COL4A5: variants seen among roughly 807,000 people sequenced by gnomAD.
COL4A5 encodes the protein collagen type IV alpha 5 chain, also known as collagen alpha-5(IV) chain.
In COL4A5, 26 loss-of-function variants were observed where a neutral mutation model predicts 130.2. The ratio of observed to expected loss-of-function variants is 0.20; its 90% CI spans 0.15 to 0.28. The LOEUF (loss-of-function observed/expected upper bound fraction) is 0.28. Among genes scored for constraint, COL4A5 ranks in the 10% least tolerant of loss-of-function variants. The pLI is 1.00. For missense variants in COL4A5, 1,131 were observed against 1,344.3 expected, an observed-to-expected ratio of 0.84 and a Z score of 2.48; for synonymous variants, 496 against 439.6, an observed-to-expected ratio of 1.13 and a Z score of -1.60.
intron 41 of COL4A5, among the ~76,000 whole-genome samples, chrX:108,669,366 GA>G (rs1417254414): frequency 8.9e-6 from 1 of 111,981 alleles, no homozygotes; most frequent in Non-Finnish European, 1.9e-5. Context: ...ATTTCAAAAT[GA>G]AAAATGTTAT....
chrX:108,518,035 A>G (rs2147603804), intron 1 of COL4A5, among the ~76,000 whole-genome samples: 1 of 111,357 alleles, frequency 9.0e-6, no homozygotes, highest in South Asian at 3.7e-4. Flanking sequence ...AAATAAAGTT[A>G]TCAAATTTCA....
intron 37 of COL4A5, among the ~76,000 whole-genome samples, chrX:108,664,361 C>T (rs949683814): frequency 1.8e-5 from 2 of 111,095 alleles, no homozygotes; most frequent in East Asian, 2.8e-4. Flanking sequence ...TCTAGATATT[C>T]GTATGGGGAA....
intron 2 of COL4A5, among the ~76,000 whole-genome samples, chrX:108,543,218 T>A (rs888751365): frequency 3.6e-5 from 4 of 111,360 alleles, no homozygotes; most frequent in South Asian, 7.5e-4. Flanking sequence ...CTAGGTTTTC[T>A]TCTAGGGTTT....
At chrX:108,545,492 T>A (rs1370943972) in intron 2 of COL4A5, among the ~76,000 whole-genome samples, 2 of 111,872 alleles carry the variant, frequency 1.8e-5, no homozygotes, top group Non-Finnish European at 3.8e-5. Flanking sequence ...ATAATTTCTG[T>A]TCTTTTACAT....
intron 1 of COL4A5, among the ~76,000 whole-genome samples, chrX:108,452,078 G>T (rs1297674378): frequency 8.9e-6 from 1 of 112,001 alleles, no homozygotes; most frequent in African/African-American, 3.2e-5. Context: ...TTATTAAATA[G>T]GGAATGCTTT....
chrX:108,556,987 A>G (rs1371683859), intron 2 of COL4A5, among the ~76,000 whole-genome samples: 2 of 111,495 alleles, frequency 1.8e-5, no homozygotes, highest in African/African-American at 6.5e-5. Flanking sequence ...GGTTTTATTA[A>G]TATCAACAAA....
At chrX:108,631,360 A>G (rs2067255695) in intron 36 of COL4A5, among the ~76,000 whole-genome samples, 1 of 111,170 alleles carries the variant, frequency 9.0e-6, no homozygotes, top group African/African-American at 3.3e-5. Context: ...CTCCTTGAAG[A>G]AGTCCTTCAC....
intron 2 of COL4A5, among the ~76,000 whole-genome samples, chrX:108,544,083 A>T (rs1297580093): frequency 9.0e-6 from 1 of 111,575 alleles, no homozygotes; most frequent in Non-Finnish European, 1.9e-5. Flanking sequence ...CTTTTTTCCT[A>T]ATTGAATACT....
chrX:108,653,498 G>A (rs918431121), intron 36 of COL4A5, among the ~76,000 whole-genome samples: 1 of 111,132 alleles, frequency 9.0e-6, no homozygotes, highest in Non-Finnish European at 1.9e-5. Flanking sequence ...GGGACAACAT[G>A]ACATTTTATC....
At chrX:108,509,025 C>G (rs1040179066) in intron 1 of COL4A5, among the ~76,000 whole-genome samples, 2 of 112,011 alleles carry the variant, frequency 1.8e-5, no homozygotes, top group Non-Finnish European at 3.8e-5. Context: ...ACAAAGACAC[C>G]AAAAGCAATT....
chrX:108,636,021 A>G (rs1170838394), intron 36 of COL4A5, among the ~76,000 whole-genome samples: 3 of 112,144 alleles, frequency 2.7e-5, no homozygotes, highest in African/African-American at 9.7e-5. Context: ...ATGGAGTACT[A>G]TGTTCACTAC....
rs190579028 is a variant in COL4A5 at position 108,626,199 on chromosome X, A to T, written c.3107-11A>T. 193 of 1,203,954 alleles carry T rather than the reference A, an allele frequency of 1.6e-4. 1 individual carries two copies. In the East Asian group the frequency reaches 5.3e-3, roughly 33 times the overall value. ...TTTTGTAAAATATTATATATCACAT[A>T]TTTTCAACAGGGCCTCAGGGTGTGG... On this transcript the variant is annotated splice_polypyrimidine_tract_variant and intron_variant, in intron 35 of 52. Transcript: ENST00000328300.
At chrX:108,684,138 AC>A (rs2068495694) in intron 47 of COL4A5, among the ~76,000 whole-genome samples, 3 of 111,845 alleles carry the variant, frequency 2.7e-5, no homozygotes, top group Admixed American at 1.9e-4. Context: ...AACTTATAGC[AC>A]TAAATGCCCA....
chrX:108,595,157 T>A (rs1387799413), intron 21 of COL4A5, among the ~76,000 whole-genome samples: 1 of 112,295 alleles, frequency 8.9e-6, no homozygotes, highest in Non-Finnish European at 1.9e-5. Context: ...GCTACTGCAG[T>A]CTGCCTATAC....
chrX:108,676,661 C>A (rs759554898), intron 43 of COL4A5, among the ~76,000 whole-genome samples: 1 of 111,758 alleles, frequency 8.9e-6, no homozygotes, highest in South Asian at 3.7e-4. Context: ...CAATAAATTT[C>A]TAACATTTAA....
At chrX:108,521,491 C>G (rs945078154) in intron 1 of COL4A5, among the ~76,000 whole-genome samples, 1 of 110,972 alleles carries the variant, frequency 9.0e-6, no homozygotes. Flanking sequence ...AGCTTACTGC[C>G]CACTATAAAA....
chrX:108,621,323 AT>A lies in COL4A5; in HGVS notation c.2678-470del, dbSNP rs374310971. Among the ~76,000 whole-genome samples, 96 of 102,968 alleles carry A rather than the reference AT, an allele frequency of 9.3e-4. 1 individual carries two copies. The highest frequency in any genetic ancestry group is 2.3e-3 in the African/African-American group (65 of 28,287). 89.4% of individuals were successfully genotyped at this position (102,968 alleles called of 115,157 possible). A position where few individuals can be genotyped will look rare whatever the true frequency, so the allele number is the denominator to read the frequency against. ...CAAGCACATACCACCACACACAGCT[AT>A]TTTTTTTTTCTTTTTTTCTTTGTAG... On this transcript the variant is annotated intron_variant, in intron 31 of 52. Coordinates refer to ENST00000328300, the MANE Select transcript of COL4A5 (RefSeq NM_033380.3).
intron 1 of COL4A5, among the ~76,000 whole-genome samples, chrX:108,441,132 A>G (rs1255100662): frequency 9.4e-6 from 1 of 106,609 alleles, no homozygotes; most frequent in Non-Finnish European, 1.9e-5. Flanking sequence ...CCTATTGGGG[A>G]TGAGGGCCAG....
intron 1 of COL4A5, among the ~76,000 whole-genome samples, chrX:108,444,939 G>A (rs1195615320): frequency 1.8e-5 from 2 of 111,557 alleles, no homozygotes; most frequent in African/African-American, 6.5e-5. Flanking sequence ...CTGACTGGTA[G>A]ATGTGTAACT....
Sources: gnomAD v4.1 joint callset for allele counts (sites outside exome capture counted in the v4.1 genomes callset) on GRCh38, gnomAD v4.1.1 for gene constraint, MANE v1.5 for transcripts, NCBI Gene and HGNC (gene_info 2026-07-23, HGNC 2026-07-21) for gene names.